Variants in PARD3 observed in about 807,000 individuals in gnomAD.
The protein encoded by PARD3 is par-3 family cell polarity regulator, also known as partitioning defective 3 homolog.
In PARD3, 75 loss-of-function variants were observed where a neutral mutation model predicts 155.4. That is an observed-to-expected ratio of 0.48 (90% confidence interval 0.40 to 0.58). The LOEUF (loss-of-function observed/expected upper bound fraction) is 0.58, where lower values mean the gene tolerates loss of function less well. PARD3 is among the 20% of genes least tolerant of loss of function. The pLI is 0.00. For synonymous variants in PARD3, 576 were observed against 610.5 expected (o/e 0.94, Z 0.83); for missense variants, 1,642 against 1,721.7 (o/e 0.95, Z 0.82).
At position 34,561,582 on chromosome 10, in the gene PARD3, G is replaced by C. The variant is rs896999855; in HGVS notation, c.223-44423C>G. Among the ~76,000 whole-genome samples the C allele has an allele frequency of 2.0e-5, 3 of 151,640 alleles. No homozygotes were observed. The East Asian group carries it at 5.9e-4, about 30-fold the overall frequency. ...TGCCCAGGCTGGAGTGCAATGGCGC[G>C]ATCTCGGCTCACTGCAACCTCTGCC... On this transcript the variant is annotated intron_variant, in intron 2 of 24. Transcript: ENST00000374788.
At chr10:34,509,817 C>A (rs981116228) in intron 3 of PARD3, among the ~76,000 whole-genome samples, 3 of 152,032 alleles carry the variant, frequency 2.0e-5, no homozygotes, top group African/African-American at 7.3e-5. Flanking sequence ...AAAAGCATCA[C>A]CTGTCCTGAA....
chr10:34,254,537 CGTGTGTGTGTGTGTGTGTGT>C (rs55901749), intron 22 of PARD3, among the ~76,000 whole-genome samples: 3 of 145,490 alleles, frequency 2.1e-5, no homozygotes, highest in East Asian at 2.1e-4. Context: ...GGTAGGTAAA[CGTGTGTGTGTGTGTGTGTGT>C]GTGTGTGTGT....
At chr10:34,756,306 A>G (rs995560049) in intron 1 of PARD3, among the ~76,000 whole-genome samples, 1 of 150,848 alleles carries the variant, frequency 6.6e-6, no homozygotes, top group African/African-American at 2.4e-5. Context: ...GGCACCCGCC[A>G]CCACACCTGG....
chr10:34,393,129 T>G (rs910844254), intron 7 of PARD3, among the ~76,000 whole-genome samples: 4 of 145,892 alleles, frequency 2.7e-5, no homozygotes, highest in African/African-American at 7.7e-5. Context: ...CCAAAAATGC[T>G]AACTAGTAGA....
chr10:34,242,796 G>A (rs113222293), intron 22 of PARD3, among the ~76,000 whole-genome samples: 2,287 of 152,192 alleles, frequency 0.015, 64 homozygotes, highest in African/African-American at 0.053. Context: ...TTAGCTGGGC[G>A]TGGTGGCGCA....
At chr10:34,653,052 T>C (rs943223190) in intron 2 of PARD3, among the ~76,000 whole-genome samples, 2 of 152,086 alleles carry the variant, frequency 1.3e-5, no homozygotes, top group African/African-American at 2.4e-5. Flanking sequence ...AAAACACACA[T>C]GCTTAAGAGA....
intron 22 of PARD3, among the ~76,000 whole-genome samples, chr10:34,142,842 A>G (rs1948265686): frequency 6.6e-6 from 1 of 152,222 alleles, no homozygotes; most frequent in South Asian, 2.1e-4. Context: ...TTTGTGGATT[A>G]TATTATTCAT....
intron 22 of PARD3, among the ~76,000 whole-genome samples, chr10:34,210,633 G>A (rs1280795684): frequency 6.6e-6 from 1 of 152,166 alleles, no homozygotes; most frequent in Admixed American, 6.5e-5. Context: ...TGATACCTGG[G>A]AAGGTGCTCA....
intron 23 of PARD3, 25 bp downstream of exon 23, chr10:34,131,438 C>G: frequency 1.2e-6 from 2 of 1,613,524 alleles, no homozygotes; most frequent in Non-Finnish European, 1.7e-6. Context: ...GGACCATTCA[C>G]CGTGCTGAAG....
chr10:34,131,026 C>T (rs1947582737), intron 23 of PARD3, among the ~76,000 whole-genome samples: 1 of 152,158 alleles, frequency 6.6e-6, no homozygotes, highest in Non-Finnish European at 1.5e-5. Flanking sequence ...CACCACCGCA[C>T]TCCAGCCTGT....
At chr10:34,116,925 G>C (rs1946705820) in intron 24 of PARD3, among the ~76,000 whole-genome samples, 1 of 152,232 alleles carries the variant, frequency 6.6e-6, no homozygotes, top group Admixed American at 6.5e-5. Flanking sequence ...GAGAAGGGAA[G>C]AGATGTCGGG....
chr10:34,112,504 A>AT (rs892801741), intron 24 of PARD3, among the ~76,000 whole-genome samples: 5 of 152,324 alleles, frequency 3.3e-5, no homozygotes, highest in African/African-American at 1.2e-4. Flanking sequence ...ACATGCCCTA[A>AT]TTTTTTTGCC....
rs2086108521 is a variant in PARD3, at chr10:34,568,154, AG to A, written c.223-50996del. Among the ~76,000 whole-genome samples the A allele has an allele frequency of 2.6e-5, 4 of 152,214 alleles. No homozygotes were observed. The South Asian group carries it at 8.3e-4, about 32-fold the overall frequency. ...CTGTTATCCACAGTTCTTAGTGAAA[AG>A]GGAATGAGTTTTAGGAACAGCCTTC... is the stretch of plus-strand genomic sequence containing the variant. On this transcript the variant is annotated intron_variant, in intron 2 of 24. Transcript: ENST00000374788.
chr10:34,550,515 C>T (rs1306395885), intron 2 of PARD3, among the ~76,000 whole-genome samples: 1 of 152,092 alleles, frequency 6.6e-6, no homozygotes, highest in Non-Finnish European at 1.5e-5. Context: ...GCCTGGCCTA[C>T]CGGCCACCTT....
chr10:34,535,097 T>G (rs1421855992), intron 2 of PARD3, among the ~76,000 whole-genome samples: 1 of 152,174 alleles, frequency 6.6e-6, no homozygotes, highest in East Asian at 1.9e-4. Flanking sequence ...TAATATTAAG[T>G]GCAACAAAAA....
At chr10:34,458,995 T>C (rs2077481263) in intron 4 of PARD3, among the ~76,000 whole-genome samples, 2 of 152,168 alleles carry the variant, frequency 1.3e-5, no homozygotes, top group Admixed American at 1.3e-4. Context: ...TATTTCGGGT[T>C]CAATTAAATC....
chr10:34,568,220 TA>T (rs1376900490), intron 2 of PARD3, among the ~76,000 whole-genome samples: 3 of 152,182 alleles, frequency 2.0e-5, no homozygotes, highest in African/African-American at 7.2e-5. Context: ...TCACTGACCA[TA>T]AAGGTAAATC....
intron 1 of PARD3, among the ~76,000 whole-genome samples, chr10:34,721,369 G>A (rs2094604118): frequency 6.6e-6 from 1 of 152,232 alleles, no homozygotes; most frequent in African/African-American, 2.4e-5. Flanking sequence ...AGTAAGCTAT[G>A]TGAAAAGAAG....
At chr10:34,384,891 T>A (rs1296868701) in intron 7 of PARD3, among the ~76,000 whole-genome samples, 1 of 152,142 alleles carries the variant, frequency 6.6e-6, no homozygotes, top group Non-Finnish European at 1.5e-5. Context: ...CAGAAAAACG[T>A]CAGTGAGAGG....
Sources: allele counts gnomAD v4.1 joint callset (sites outside exome capture counted in the v4.1 genomes callset), GRCh38; gene constraint gnomAD v4.1.1; transcripts MANE v1.5; gene names NCBI Gene and HGNC (gene_info 2026-07-23, HGNC 2026-07-21).